PARD3B: variants seen among roughly 807,000 people sequenced by gnomAD.
PARD3B encodes the protein par-3 family cell polarity regulator beta, also known as partitioning defective 3 homolog B.
PARD3B carries 103 observed loss-of-function variants against 130.2 expected under a neutral mutation model. The observed-to-expected ratio is 0.79, with a 90% CI of 0.67 to 0.93. PARD3B has a LOEUF of 0.93. Ranked by LOEUF, PARD3B falls within the 40% of genes least tolerant of loss-of-function variation. PARD3B has a pLI of 0.00. For synonymous variants in PARD3B, 583 were observed against 553.2 expected (o/e 1.05, Z -0.76); for missense variants, 1,609 against 1,499.2 (o/e 1.07, Z -1.21).
chr2:204,812,191 G>A (rs1456893508), intron 2 of PARD3B, among the ~76,000 whole-genome samples: 1 of 152,086 alleles, frequency 6.6e-6, no homozygotes, highest in Non-Finnish European at 1.5e-5. Flanking sequence ...ATATTGCAGT[G>A]AGCATAAAGT....
chr2:204,744,078 T>C (rs986292107), intron 2 of PARD3B, among the ~76,000 whole-genome samples: 1 of 152,204 alleles, frequency 6.6e-6, no homozygotes, highest in Non-Finnish European at 1.5e-5. Context: ...GTATTAGATA[T>C]CTGCTCTGTT....
chr2:204,613,079 G>A (rs1389341223), intron 1 of PARD3B, among the ~76,000 whole-genome samples: 1 of 151,714 alleles, frequency 6.6e-6, no homozygotes, highest in Non-Finnish European at 1.5e-5. Flanking sequence ...GTTTTATAAT[G>A]GTTTCATTTT....
At chr2:205,162,481 T>C (rs554925752) in intron 11 of PARD3B, among the ~76,000 whole-genome samples, 1 of 152,388 alleles carries the variant, frequency 6.6e-6, no homozygotes, top group African/African-American at 2.4e-5. Flanking sequence ...AGCACTAGCA[T>C]GCATTACATG....
intron 18 of PARD3B, 150 bp from the exon 19 acceptor site, chr2:205,400,863 A>G (rs1467372941): frequency 1.5e-5 from 9 of 581,976 alleles, no homozygotes; most frequent in African/African-American, 9.3e-5. Flanking sequence ...TGCTTTCATT[A>G]TCTTATTTTA....
chr2:205,235,592 T>C (rs927670160), intron 15 of PARD3B, among the ~76,000 whole-genome samples: 92 of 152,228 alleles, frequency 6.0e-4, no homozygotes, highest in African/African-American at 2.2e-3. Flanking sequence ...AAATGCTTAC[T>C]AAGTGACTAA....
chr2:205,351,457 T>C lies in PARD3B; in HGVS notation c.2631-49556T>C, dbSNP rs2043991905. Among the ~76,000 whole-genome samples the C allele has an allele frequency of 6.6e-6, 1 of 152,084 alleles. No homozygotes were observed. Among genetic ancestry groups the C allele is most frequent in the African/African-American group, 2.4e-5 (1 of 41,406 alleles). On this transcript the variant is annotated intron_variant, in intron 18 of 22. Transcript: ENST00000406610. This position sits in a 1 kb window ranked among gnomAD's most constrained non-coding sequence, Gnocchi z 4.2. ...GCCCTCAAGCTAGGTGCTGGAGGGA[T>C]TTTGCCAACTGCACCTGGTGCTGAG...
chr2:205,382,453 C>T (rs532897457), intron 18 of PARD3B, among the ~76,000 whole-genome samples: 8 of 152,116 alleles, frequency 5.3e-5, no homozygotes, highest in South Asian at 4.1e-4. Context: ...AAGCCATGTC[C>T]GCTGGGTTTC....
At chr2:204,671,811 G>A (rs925769628) in intron 1 of PARD3B, among the ~76,000 whole-genome samples, 1 of 152,082 alleles carries the variant, frequency 6.6e-6, no homozygotes, top group Non-Finnish European at 1.5e-5. Flanking sequence ...TCTTTCACCA[G>A]CTAAAATAAA....
intron 3 of PARD3B, among the ~76,000 whole-genome samples, chr2:205,017,061 G>T (rs1696202026): frequency 6.6e-6 from 1 of 152,076 alleles, no homozygotes; most frequent in Non-Finnish European, 1.5e-5. Flanking sequence ...GAAATAGTGA[G>T]AAATGATGCA....
intron 2 of PARD3B, among the ~76,000 whole-genome samples, chr2:204,760,156 C>G (rs1485368634): frequency 2.0e-5 from 3 of 151,860 alleles, no homozygotes; most frequent in Non-Finnish European, 4.4e-5. Context: ...GTTAAAAATC[C>G]CAGCAAAGTC....
intron 18 of PARD3B, among the ~76,000 whole-genome samples, chr2:205,305,617 A>T (rs1191394002): frequency 6.6e-6 from 1 of 152,190 alleles, no homozygotes; most frequent in Non-Finnish European, 1.5e-5. Context: ...CTTTGAAGGG[A>T]TGGAGTTGAG....
intron 16 of PARD3B, among the ~76,000 whole-genome samples, chr2:205,254,088 TAAAAA>T (rs11287171): frequency 1.3e-4 from 10 of 75,968 alleles, no homozygotes; most frequent in East Asian, 3.9e-4. Context: ...GTAGAGAAAT[TAAAAA>T]AAAAAAAAAA....
intron 22 of PARD3B, among the ~76,000 whole-genome samples, chr2:205,556,665 G>C (rs960229543): frequency 1.4e-4 from 22 of 152,158 alleles, no homozygotes; most frequent in Non-Finnish European, 1.5e-5. Context: ...TTTGGAAAGC[G>C]GAGTGTGGTT....
chr2:204,891,578 A>G (rs1405002010), intron 2 of PARD3B, among the ~76,000 whole-genome samples: 1 of 152,136 alleles, frequency 6.6e-6, no homozygotes, highest in African/African-American at 2.4e-5. Flanking sequence ...TTTTCACTGG[A>G]GAGATTCTAA....
chr2:204,914,017 T>G (rs1245210510), intron 2 of PARD3B, among the ~76,000 whole-genome samples: 1 of 152,150 alleles, frequency 6.6e-6, no homozygotes, highest in Non-Finnish European at 1.5e-5. Flanking sequence ...TTTCTGTTGA[T>G]GGTAGTGATG....
At chr2:205,037,627 G>A (rs1220145087) in intron 3 of PARD3B, among the ~76,000 whole-genome samples, 2 of 146,808 alleles carry the variant, frequency 1.4e-5, no homozygotes, top group Admixed American at 6.9e-5. Flanking sequence ...ATATATAGTC[G>A]ACTGTATAAA....
chr2:205,306,710 G>A (rs2042195250), intron 18 of PARD3B, among the ~76,000 whole-genome samples: 1 of 152,158 alleles, frequency 6.6e-6, no homozygotes. Context: ...GGTGGTGTTT[G>A]ATTTTATCTT....
chr2:204,617,825 C>T (rs2034165284), intron 1 of PARD3B, among the ~76,000 whole-genome samples: 3 of 152,162 alleles, frequency 2.0e-5, no homozygotes, highest in Admixed American at 2.0e-4. Context: ...TGTTAAGTTG[C>T]TTAGGATAAT....
intron 21 of PARD3B, among the ~76,000 whole-genome samples, chr2:205,520,386 C>G (rs564761733): frequency 6.6e-6 from 1 of 152,214 alleles, no homozygotes; most frequent in East Asian, 1.9e-4. Flanking sequence ...TTCTTTGCTC[C>G]TTCATCAGTC....
Sources: gnomAD v4.1 joint callset for allele counts (sites outside exome capture counted in the v4.1 genomes callset) on GRCh38, gnomAD v4.1.1 for gene constraint, Gnocchi (gnomAD v3.1) non-coding constraint, MANE v1.5 for transcripts, NCBI Gene and HGNC (gene_info 2026-07-23, HGNC 2026-07-21) for gene names.